Variants in MACROD2 observed in about 807,000 individuals in gnomAD.
MACROD2 encodes mono-ADP ribosylhydrolase 2.
In MACROD2, 36 loss-of-function variants were observed where a neutral mutation model predicts 70.4. The observed-to-expected ratio is 0.51, with a 90% CI of 0.39 to 0.68. The LOEUF is 0.68. Among genes scored for constraint, MACROD2 ranks in the 30% least tolerant of loss-of-function variants. The pLI is 0.00. For synonymous variants in MACROD2, 172 were observed against 178.8 expected (o/e 0.96, Z 0.30); for missense variants, 496 against 538.4 (o/e 0.92, Z 0.78).
intron 8 of MACROD2, among the ~76,000 whole-genome samples, chr20:15,634,307 C>T (rs1020650009): frequency 6.6e-6 from 1 of 152,148 alleles, no homozygotes; most frequent in Admixed American, 6.5e-5. Flanking sequence ...TTATAAAGAA[C>T]AGATGTAAGA....
chr20:15,741,919 G>A (rs754057578), intron 8 of MACROD2, among the ~76,000 whole-genome samples: 4 of 152,150 alleles, frequency 2.6e-5, no homozygotes, highest in East Asian at 1.9e-4. Context: ...AAACAAATAC[G>A]TTGATTGATT....
At chr20:15,047,166 C>G (rs1011042582) in intron 5 of MACROD2, among the ~76,000 whole-genome samples, 2 of 152,142 alleles carry the variant, frequency 1.3e-5, no homozygotes, top group Admixed American at 6.5e-5. Flanking sequence ...AAATTTGCTA[C>G]TGAATTGACA....
chr20:14,363,905 A>G (rs1008494912), intron 3 of MACROD2, among the ~76,000 whole-genome samples: 6 of 151,674 alleles, frequency 4.0e-5, no homozygotes, highest in Non-Finnish European at 8.8e-5. Flanking sequence ...AGAAAAAGGG[A>G]ACACTGCAAT....
At chr20:14,862,054 T>TATATAAATATATAAAA (rs1555839559) in intron 5 of MACROD2, among the ~76,000 whole-genome samples, 1 of 3,056 alleles carries the variant, frequency 3.3e-4, no homozygotes, top group Non-Finnish European at 1.0e-3. Context: ...TATATATTTA[T>TATATAAATATATAAAA]ATATATATAA....
chr20:15,679,803 C>T (rs2050135630), intron 8 of MACROD2, among the ~76,000 whole-genome samples: 1 of 152,146 alleles, frequency 6.6e-6, no homozygotes, highest in Non-Finnish European at 1.5e-5. Flanking sequence ...AGCAGAGGCA[C>T]CACACTTGGG....
At chr20:15,189,582 C>A (rs2076556694) in intron 5 of MACROD2, among the ~76,000 whole-genome samples, 1 of 152,172 alleles carries the variant, frequency 6.6e-6, no homozygotes, top group African/African-American at 2.4e-5. Flanking sequence ...TGAGTAACTA[C>A]TTTAAGCTAG....
intron 5 of MACROD2, among the ~76,000 whole-genome samples, chr20:15,100,742 T>A (rs1042074749): frequency 3.9e-5 from 6 of 152,134 alleles, no homozygotes; most frequent in African/African-American, 1.4e-4. Flanking sequence ...CTTCTGCAGA[T>A]CAGAGCTCTG....
chr20:14,055,646 C>T (rs1432922187), intron 2 of MACROD2, among the ~76,000 whole-genome samples: 1 of 151,994 alleles, frequency 6.6e-6, no homozygotes, highest in Non-Finnish European at 1.5e-5. Context: ...CTTTTTGTGG[C>T]ACCTGACACA....
At chr20:15,308,783 G>C (rs1361905634) in intron 6 of MACROD2, among the ~76,000 whole-genome samples, 1 of 152,098 alleles carries the variant, frequency 6.6e-6, no homozygotes, top group Non-Finnish European at 1.5e-5. Context: ...AGCACACGTA[G>C]CCTGTGCTCT....
intron 7 of MACROD2, among the ~76,000 whole-genome samples, chr20:15,457,807 C>G (rs2046748501): frequency 6.6e-6 from 1 of 152,008 alleles, no homozygotes; most frequent in African/African-American, 2.4e-5. Context: ...ATGATTCAAT[C>G]TTTTAGAGTT....
chr20:15,167,977 A>G (rs2076396891), intron 5 of MACROD2, among the ~76,000 whole-genome samples: 1 of 152,220 alleles, frequency 6.6e-6, no homozygotes, highest in South Asian at 2.1e-4. Flanking sequence ...CGAAGTATAC[A>G]AGGTCTTTCC....
At chr20:15,235,265 A>C (rs1388527785) in intron 6 of MACROD2, among the ~76,000 whole-genome samples, 1 of 152,200 alleles carries the variant, frequency 6.6e-6, no homozygotes, top group Non-Finnish European at 1.5e-5. Flanking sequence ...TGACATAGGA[A>C]TTTAGTGATT....
Position 15,777,438 on chromosome 20 carries a change from G to GT in MACROD2, c.646-85295dup, listed in dbSNP as rs199861027. 9.8e-4 allele frequency among the ~76,000 whole-genome samples: 140 copies of GT among 142,704 alleles called. 3 individuals are homozygous for GT. The highest frequency in any genetic ancestry group is 4.0e-3 in the Admixed American group (58 of 14,376). The allele number at this position is 142,704 out of a possible 152,430, so 93.6% of individuals were successfully genotyped here. On this transcript the variant is annotated intron_variant, in intron 8 of 17. Transcript: ENST00000684519. ...GCATGAAGAGACCACTGAGAGACAT[G>GT]TTTTTTTTTTTTCATCACACTGTTG...
rs574254736 is a variant in MACROD2, at chr20:15,948,061, T to A, written c.907+10517T>A. Among the ~76,000 whole-genome samples the A allele has an allele frequency of 2.6e-4, 39 of 152,110 alleles. No homozygotes were observed. The South Asian group carries it at 6.0e-3, about 24-fold the overall frequency. On this transcript the variant is annotated intron_variant, in intron 12 of 17. Coordinates refer to ENST00000684519, the MANE Select transcript of MACROD2 (RefSeq NM_001351661.2). ...CTCCCCAACAGCACTTGGGTTTTCC[T>A]GTTGAGAGGGGGGACTGAGAGACAG...
At chr20:15,519,456 G>C (rs1464797526) in intron 8 of MACROD2, among the ~76,000 whole-genome samples, 1 of 152,148 alleles carries the variant, frequency 6.6e-6, no homozygotes, top group Non-Finnish European at 1.5e-5. Context: ...TGAGGAAACT[G>C]AGGCAGATAG....
At chr20:15,922,790 T>C (rs114442695) in intron 10 of MACROD2, among the ~76,000 whole-genome samples, 2,068 of 152,274 alleles carry the variant, frequency 0.014, 46 homozygotes, top group African/African-American at 0.046. Context: ...CTGGAGGGGG[T>C]GGGCCCCCAA....
chr20:14,899,055 AGTT>A (rs2073864702), intron 5 of MACROD2, among the ~76,000 whole-genome samples: 1 of 152,172 alleles, frequency 6.6e-6, no homozygotes, highest in Non-Finnish European at 1.5e-5. Flanking sequence ...ACTTAGTTAT[AGTT>A]GTTACTTTTC....
intron 6 of MACROD2, among the ~76,000 whole-genome samples, chr20:15,282,367 A>G (rs2077453353): frequency 6.6e-6 from 1 of 152,188 alleles, no homozygotes; most frequent in African/African-American, 2.4e-5. Context: ...AATTTTTCTA[A>G]CTTTTATGCT....
intron 6 of MACROD2, among the ~76,000 whole-genome samples, chr20:15,271,525 A>G (rs1647263396): frequency 6.6e-6 from 1 of 152,222 alleles, no homozygotes; most frequent in South Asian, 2.1e-4. Context: ...CCAAAACAGC[A>G]CAGGCACATG....
Sources: gnomAD v4.1 joint callset for allele counts (sites outside exome capture counted in the v4.1 genomes callset) on GRCh38, gnomAD v4.1.1 for gene constraint, MANE v1.5 for transcripts, NCBI Gene and HGNC (gene_info 2026-07-23, HGNC 2026-07-21) for gene names.